MRNIP: variants seen among roughly 807,000 people sequenced by gnomAD.
MRNIP encodes MRN complex-interacting protein.
MRNIP carries 30 observed loss-of-function variants against 29.8 expected under a neutral mutation model. The observed-to-expected ratio is 1.01, with a 90% CI of 0.75 to 1.36. The LOEUF is 1.36. Among genes scored for constraint, MRNIP ranks in the 40% most tolerant of loss-of-function variants. The pLI is 0.00. For synonymous variants in MRNIP, 201 were observed against 164.1 expected (o/e 1.23, Z -1.72); for missense variants, 459 against 423.5 (o/e 1.08, Z -0.74).
chr5:179,858,026 AAG>A (rs796743291), intron 1 of MRNIP, among the ~76,000 whole-genome samples: 2,539 of 59,876 alleles, frequency 0.042, 39 homozygotes, highest in South Asian at 0.18. Context: ...AAAAAAAAAA[AAG>A]AAGAAGAAGT....
intron 2 of MRNIP, 94 bp from the exon 3 acceptor site, chr5:179,848,160 G>A: frequency 6.4e-6 from 6 of 944,776 alleles, no homozygotes; most frequent in Non-Finnish European, 1.0e-5. Context: ...GGACAAAGCT[G>A]TATTCTGCAA....
intron 2 of MRNIP, 32 bp downstream of exon 2, chr5:179,853,346 G>C: frequency 6.2e-7 from 1 of 1,607,274 alleles, no homozygotes; most frequent in Non-Finnish European, 8.5e-7. Context: ...GCAGGCCTGC[G>C]CCCCACTTGC....
chr5:179,851,886 G>A (rs891204778), intron 2 of MRNIP, among the ~76,000 whole-genome samples: 1 of 152,008 alleles, frequency 6.6e-6, no homozygotes, highest in Non-Finnish European at 1.5e-5. Context: ...GCTGAGGCAG[G>A]AGAATGGCGT....
intron 1 of MRNIP, among the ~76,000 whole-genome samples, chr5:179,856,195 C>T (rs989025170): frequency 2.0e-5 from 3 of 151,868 alleles, no homozygotes; most frequent in East Asian, 3.9e-4. Flanking sequence ...TGTGAGCCAC[C>T]GCACCCGGCC....
Position 179,837,821 on chromosome 5 carries a change from G to C in MRNIP, c.602C>G (p.Ala201Gly). Residue 201 changes from alanine (A) to glycine (G), a missense_variant, in exon 7 of 7, where the codon GCA becomes GGA. By Grantham distance (60) the Ala-to-Gly change is moderately conservative. Transcript: ENST00000292586. The stretch of plus-strand genomic sequence containing the variant: ...CCTCAGCTCCCCGGCACTGCAGTCT[G>C]CAGAGTTCTCCTGGAGGCAGGGGCT... ...GSSPCLQENS[A>G]DCSAGELRGP... The C allele has an allele frequency of 6.2e-7, 1 of 1,613,356 alleles. No individual in the cohort carries two copies. Among genetic ancestry groups the C allele is most frequent in the East Asian group, 2.2e-5 (1 of 44,882 alleles).
intron 2 of MRNIP, among the ~76,000 whole-genome samples, chr5:179,849,197 C>T (rs558615541): frequency 1.4e-5 from 2 of 142,038 alleles, no homozygotes; most frequent in East Asian, 2.1e-4. Context: ...GCAGATGGTA[C>T]GAGACGGAAT....
rs568695569 is a variant in MRNIP at position 179,853,552 on chromosome 5, T to C, written c.67-115A>G. The C allele has an allele frequency of 9.5e-4, 712 of 753,142 alleles. 1 individual carries two copies. Among genetic ancestry groups the C allele is most frequent in the Non-Finnish European group, 1.4e-3 (631 of 458,158 alleles). 46.7% of individuals were successfully genotyped at this position (753,142 alleles called of 1,614,324 possible). ...CCTTTGGGAGGCCGAGGCGGGCAGA[T>C]CACAAGGTCAGGAGTTCGAGACCAG... On this transcript the variant is annotated intron_variant, in intron 1 of 6. Coordinates refer to ENST00000292586, the MANE Select transcript of MRNIP (RefSeq NM_016175.4).
chr5:179,852,815 G>A (rs938161087), intron 2 of MRNIP, among the ~76,000 whole-genome samples: 2 of 152,252 alleles, frequency 1.3e-5, no homozygotes, highest in East Asian at 1.9e-4. Flanking sequence ...TTCAGGAGGG[G>A]CAATACGGAT....
chr5:179,838,824 T>C (rs963589961), intron 6 of MRNIP: 3 of 151,708 alleles, frequency 2.0e-5, no homozygotes, highest in African/African-American at 7.3e-5. Flanking sequence ...TACAAAAAAT[T>C]AGCCAACTGT....
intron 3 of MRNIP, among the ~76,000 whole-genome samples, chr5:179,844,915 C>A (rs1337396208): frequency 6.6e-6 from 1 of 152,072 alleles, no homozygotes; most frequent in Non-Finnish European, 1.5e-5. Context: ...ATGCTTTTAT[C>A]CAGTTTGGGA....
chr5:179,851,603 AC>A (rs1472847851), intron 2 of MRNIP, among the ~76,000 whole-genome samples: 1 of 152,154 alleles, frequency 6.6e-6, no homozygotes, highest in African/African-American at 2.4e-5. Flanking sequence ...AGATCTCATT[AC>A]CTTGCCAGCA....
intron 2 of MRNIP, among the ~76,000 whole-genome samples, chr5:179,850,016 T>A (rs1189055610): frequency 4.2e-5 from 4 of 96,298 alleles, no homozygotes; most frequent in Admixed American, 2.3e-4. Flanking sequence ...ATTTGAGGGC[T>A]CAGGTCCCGC....
At chr5:179,843,348 T>C (rs1758994562) in intron 4 of MRNIP, among the ~76,000 whole-genome samples, 1 of 152,016 alleles carries the variant, frequency 6.6e-6, no homozygotes, top group African/African-American at 2.4e-5. Flanking sequence ...TGCAAAAAAG[T>C]ATTTCTGATG....
At chr5:179,838,219 G>C (rs1305816723) in intron 6 of MRNIP, 2 of 356,426 alleles carry the variant, frequency 5.6e-6, no homozygotes, top group African/African-American at 4.1e-5. Flanking sequence ...GAGACATCGG[G>C]AAAGGGGTGC....
At position 179,837,837 on chromosome 5, in the gene MRNIP, G is replaced by A; in HGVS notation, c.586C>T (p.Leu196Phe). The A allele has an allele frequency of 6.2e-7, 1 of 1,612,172 alleles. No homozygotes were observed. Among genetic ancestry groups the A allele is most frequent in the Non-Finnish European group, 8.5e-7 (1 of 1,180,020 alleles). ...CTGCAGTCTGCAGAGTTCTCCTGGA[G>A]GCAGGGGCTGCTGCCTTGTTTCACC... ...WKVKQGSSPC[L>F]QENSADCSAG... is the part of the protein sequence containing the mutation. Residue 196 changes from leucine (L) to phenylalanine (F), a missense_variant, in exon 7 of 7, where the codon CTC becomes TTC. Physicochemically the swap from Leu to Phe is conservative, Grantham distance 22 (BLOSUM62 0). Coordinates refer to ENST00000292586, the MANE Select transcript of MRNIP (RefSeq NM_016175.4).
At position 179,842,027 on chromosome 5, in the gene MRNIP, T is replaced by C. The variant is rs774100505; in HGVS notation, c.329A>G (p.Tyr110Cys). The C allele has an allele frequency of 8.6e-5, 138 of 1,614,026 alleles. No individual in the cohort carries two copies. Among genetic ancestry groups the C allele is most frequent in the Non-Finnish European group, 1.1e-4 (131 of 1,180,018 alleles). Residue 110 changes from tyrosine to cysteine, a missense_variant, in exon 5 of 7, where the codon TAT (tyrosine) becomes TGT (cysteine). Coordinates refer to ENST00000292586, the MANE Select transcript of MRNIP (RefSeq NM_016175.4). ...SQPSESRWLK[Y>C]LEKDSQELEL... Reference sequence around the variant, plus strand: ...CAGTTCTTGGGAGTCCTTTTCTAGATACTTCAGCCAGCGACTCTCTGAGGG... The same window carrying C: ...CAGTTCTTGGGAGTCCTTTTCTAGACACTTCAGCCAGCGACTCTCTGAGGG...
At chr5:179,851,164 A>G (rs780835658) in intron 2 of MRNIP, 2 of 452,392 alleles carry the variant, frequency 4.4e-6, no homozygotes, top group Non-Finnish European at 8.9e-6. Flanking sequence ...TGAGGGGAGT[A>G]AGAAGGCTTC....
At chr5:179,849,068 G>A (rs1018256975) in intron 2 of MRNIP, among the ~76,000 whole-genome samples, 4 of 150,670 alleles carry the variant, frequency 2.7e-5, no homozygotes, top group Non-Finnish European at 4.4e-5. Context: ...TTGAGAGTAC[G>A]GGTCCTGCTA....
intron 1 of MRNIP, among the ~76,000 whole-genome samples, 165 bp from the exon 2 acceptor site, chr5:179,853,602 T>A (rs1459710809): frequency 6.6e-6 from 1 of 152,040 alleles, no homozygotes; most frequent in Non-Finnish European, 1.5e-5. Flanking sequence ...TGAAACCCAG[T>A]CTCTACTAAA....
Sources: gnomAD v4.1 joint callset for allele counts (sites outside exome capture counted in the v4.1 genomes callset) on GRCh38, gnomAD v4.1.1 for gene constraint, MANE v1.5 for transcripts, NCBI Gene and HGNC (gene_info 2026-07-23, HGNC 2026-07-21) for gene names.